GABRB2: variants seen among roughly 807,000 people sequenced by gnomAD.
GABRB2 encodes the protein gamma-aminobutyric acid type A receptor subunit beta2, also known as gamma-aminobutyric acid receptor subunit beta-2.
Under a neutral mutation model 54.7 loss-of-function variants are expected in GABRB2, and 16 were observed. The observed-to-expected ratio is 0.29, with a 90% confidence interval of 0.20 to 0.44. The LOEUF (loss-of-function observed/expected upper bound fraction) is 0.44, where lower values mean the gene tolerates loss of function less well. Ranked by LOEUF, GABRB2 falls within the 20% of genes least tolerant of loss-of-function variation. The pLI is 1.00. For missense variants in GABRB2, 355 were observed against 644.0 expected (o/e 0.55, Z 4.86); for synonymous variants, 244 against 233.8 (o/e 1.04, Z -0.40).
chr5:161,440,248 A>G (rs942061155), intron 4 of GABRB2, among the ~76,000 whole-genome samples: 1 of 152,126 alleles, frequency 6.6e-6, no homozygotes, highest in Non-Finnish European at 1.5e-5. Context: ...TTTATCAATA[A>G]TGACATGAAT....
Position 161,545,205 on chromosome 5 carries a change from A to G in GABRB2, c.237+22T>C, listed in dbSNP as rs1473337247. On this transcript the variant is annotated intron_variant, in intron 3 of 9. Coordinates refer to ENST00000393959, the MANE Select transcript of GABRB2 (RefSeq NM_001371727.1). The stretch of plus-strand genomic sequence containing the variant: ...CCCAAACGAAAGTTTGCAAAGAAGT[A>G]GTCATAAATGTCAATACTCACCATA... 8 of 1,574,124 alleles carry G rather than the reference A, an allele frequency of 5.1e-6. No homozygotes were observed. In the South Asian group the frequency reaches 6.9e-5, roughly 14 times the overall value.
At chr5:161,340,217 C>T (rs1187657602) in intron 5 of GABRB2, among the ~76,000 whole-genome samples, 1 of 151,970 alleles carries the variant, frequency 6.6e-6, no homozygotes, top group Non-Finnish European at 1.5e-5. Flanking sequence ...GATTAGTTTT[C>T]CAACAGCAGA....
intron 9 of GABRB2, among the ~76,000 whole-genome samples, chr5:161,323,330 C>CT (rs1214829945): frequency 1.3e-5 from 2 of 152,074 alleles, no homozygotes; most frequent in African/African-American, 2.4e-5. Context: ...CCAAAATATA[C>CT]TTTTTTAAAA....
chr5:161,482,057 A>G (rs544303346), intron 3 of GABRB2, among the ~76,000 whole-genome samples: 33 of 152,084 alleles, frequency 2.2e-4, no homozygotes, highest in South Asian at 1.0e-3. Context: ...CTGGCTGGGG[A>G]CAGACCCTAG....
At chr5:161,537,978 C>T (rs1329125771) in intron 3 of GABRB2, among the ~76,000 whole-genome samples, 1 of 151,858 alleles carries the variant, frequency 6.6e-6, no homozygotes, top group South Asian at 2.1e-4. Flanking sequence ...CTTCTAACCC[C>T]CTTCTTCACC....
chr5:161,422,578 T>C (rs992319787), intron 4 of GABRB2, among the ~76,000 whole-genome samples: 3 of 152,194 alleles, frequency 2.0e-5, no homozygotes, highest in Non-Finnish European at 2.9e-5. Context: ...AAATAGGCAG[T>C]GCAAATATAG....
chr5:161,527,785 T>C (rs1265162939), intron 3 of GABRB2, among the ~76,000 whole-genome samples: 1 of 151,502 alleles, frequency 6.6e-6, no homozygotes, highest in East Asian at 1.9e-4. Context: ...ATTTTACAGA[T>C]TAGCAAAGAT....
rs183137600 is a variant in GABRB2, at chr5:161,461,571, G to A, written c.238-1727C>T. 1.7e-3 allele frequency among the ~76,000 whole-genome samples: 259 copies of A among 152,246 alleles called. 2 individuals carry two copies. The highest frequency in any genetic ancestry group is 0.016 in the South Asian group (78 of 4,818). The stretch of plus-strand genomic sequence containing the variant: ...CTACAAAAAGCTATATACTATGAAT[G>A]AAGCATTTATAAGTGACATATTTTA... On this transcript the variant is annotated intron_variant, in intron 3 of 9. Transcript: ENST00000393959.
intron 3 of GABRB2, among the ~76,000 whole-genome samples, chr5:161,470,909 C>T (rs1376960702): frequency 6.6e-6 from 1 of 151,864 alleles, no homozygotes; most frequent in East Asian, 1.9e-4. Flanking sequence ...CACAGGTGAC[C>T]CTTCATGAGT....
At chr5:161,364,431 T>C (rs567478051) in intron 5 of GABRB2, among the ~76,000 whole-genome samples, 93 of 152,320 alleles carry the variant, frequency 6.1e-4, no homozygotes, top group African/African-American at 2.2e-3. Context: ...ATAGAGGTTC[T>C]TGATAAAGGC....
chr5:161,443,971 T>C (rs1165805808), intron 4 of GABRB2, among the ~76,000 whole-genome samples: 1 of 152,186 alleles, frequency 6.6e-6, no homozygotes, highest in African/African-American at 2.4e-5. Flanking sequence ...CATTTCTCAT[T>C]ATCACATCAT....
chr5:161,313,258 T>C (rs1373483768), intron 9 of GABRB2, among the ~76,000 whole-genome samples: 1 of 152,180 alleles, frequency 6.6e-6, no homozygotes. Context: ...ATCAGTCTTT[T>C]CATTTACAAA....
chr5:161,496,756 C>A (rs1424113747), intron 3 of GABRB2, among the ~76,000 whole-genome samples: 1 of 152,034 alleles, frequency 6.6e-6, no homozygotes, highest in African/African-American at 2.4e-5. Flanking sequence ...TTAGACACCA[C>A]CAATACTCTT....
At chr5:161,384,639 C>A (rs1421204340) in intron 5 of GABRB2, among the ~76,000 whole-genome samples, 1 of 152,134 alleles carries the variant, frequency 6.6e-6, no homozygotes, top group African/African-American at 2.4e-5. Context: ...ACCAGAAATG[C>A]AAATTTGGCT....
rs751223327 is a variant in GABRB2, at chr5:161,319,139, T to TAAAA, written c.1191+7228_1191+7229insTTTT. ...TTTTATTAGCTGTTTTTTTTTTTTT[T>TAAAA]AAATAAACAATAGTGGTGATGGCGG... On this transcript the variant is annotated intron_variant, in intron 9 of 9. Coordinates refer to ENST00000393959, the MANE Select transcript of GABRB2 (RefSeq NM_001371727.1). 5.0e-3 allele frequency among the ~76,000 whole-genome samples: 738 copies of TAAAA among 148,466 alleles called. 7 individuals are homozygous for TAAAA. The highest frequency in any genetic ancestry group is 0.016 in the African/African-American group (654 of 40,818).
chr5:161,343,983 A>G (rs1169089921), intron 5 of GABRB2, among the ~76,000 whole-genome samples: 1 of 152,102 alleles, frequency 6.6e-6, no homozygotes, highest in Non-Finnish European at 1.5e-5. Context: ...CAGATAGTGA[A>G]GTTCTGATAA....
intron 5 of GABRB2, among the ~76,000 whole-genome samples, chr5:161,381,943 A>G (rs1480204111): frequency 6.6e-6 from 1 of 152,184 alleles, no homozygotes; most frequent in Non-Finnish European, 1.5e-5. Context: ...TATAATTTCA[A>G]CACATATAAC....
chr5:161,502,863 G>GT, intron 3 of GABRB2, among the ~76,000 whole-genome samples: 1 of 152,174 alleles, frequency 6.6e-6, no homozygotes, highest in Admixed American at 6.5e-5. Context: ...TCTCCATAAG[G>GT]TTTTTTCATT....
intron 3 of GABRB2, among the ~76,000 whole-genome samples, chr5:161,471,822 T>A (rs1309522032): frequency 6.6e-6 from 1 of 151,984 alleles, no homozygotes; most frequent in African/African-American, 2.4e-5. Flanking sequence ...AATTTGTGCT[T>A]TTTATTGCCC....
Sources: allele counts gnomAD v4.1 joint callset (sites outside exome capture counted in the v4.1 genomes callset), GRCh38; gene constraint gnomAD v4.1.1; transcripts MANE v1.5; gene names NCBI Gene and HGNC (gene_info 2026-07-23, HGNC 2026-07-21).